CACNA1A: variants seen among roughly 807,000 people sequenced by gnomAD.
The protein encoded by CACNA1A is voltage-dependent P/Q-type calcium channel subunit alpha-1A.
Under a neutral mutation model 262.4 loss-of-function variants are expected in CACNA1A, and 57 were observed. The observed-to-expected ratio is 0.22, with a 90% CI of 0.18 to 0.27. CACNA1A has a LOEUF of 0.27. Ranked by LOEUF, CACNA1A falls within the 10% of genes least tolerant of loss-of-function variation. The pLI, the probability that CACNA1A is intolerant of heterozygous loss-of-function variation, is 1.00. For missense variants in CACNA1A, 2,526 were observed against 3,562.8 expected, an observed-to-expected ratio of 0.71 and a Z score of 7.41; for synonymous variants, 1,431 against 1,419.3, an observed-to-expected ratio of 1.01 and a Z score of -0.18.
At position 13,207,627 on chromosome 19, in the gene CACNA1A, C is replaced by G. The variant is rs1320524896; in HGVS notation, c.7207G>C (p.Gly2403Arg). The change falls in exon 47 of 47, where the codon GGT becomes CGT. Residue 2403 changes from glycine (G) to arginine (R), a missense_variant. Coordinates refer to ENST00000360228, the MANE Select transcript of CACNA1A (RefSeq NM_001127222.2). The surrounding 1 kb of genome is among the most constrained non-coding windows in gnomAD (Gnocchi z 5.7). ...SGPHVSEGPP[G>R]PRHHGYYRGS... The stretch of plus-strand genomic sequence containing the variant: ...CGGTAGTAGCCATGGTGCCGGGGAC[C>G]CGGGGGCCCCTCGGACACGTGCGGG... 1 of 1,478,650 alleles carries G rather than the reference C, an allele frequency of 6.8e-7. No homozygotes were observed. Among genetic ancestry groups the G allele is most frequent in the African/African-American group, 1.5e-5 (1 of 67,860 alleles). The allele number at this position is 1,478,650 out of a possible 1,614,324, so 91.6% of individuals were successfully genotyped here. A position where few individuals can be genotyped will look rare whatever the true frequency, so the allele number is the denominator to read the frequency against.
chr19:13,442,416 ACT>A (rs2060739855), intron 3 of CACNA1A, among the ~76,000 whole-genome samples: 1 of 151,982 alleles, frequency 6.6e-6, no homozygotes, highest in Non-Finnish European at 1.5e-5. Context: ...GGCTCAGCAA[ACT>A]CTGTGATGCC....
At chr19:13,368,980 G>A (rs2059268715) in intron 4 of CACNA1A, among the ~76,000 whole-genome samples, 1 of 126,162 alleles carries the variant, frequency 7.9e-6, no homozygotes, top group Admixed American at 7.8e-5. Flanking sequence ...GGAGCTTGCA[G>A]TGAGCCGAGA....
rs182186856 is a variant in CACNA1A, at chr19:13,342,375, A to G, written c.979-6466T>C. Reference sequence around the variant, plus strand: ...ATCTCTTCTTTGGCAGTTCAAGTTAAGGGAGGGATATGCACAAGTCTGAAT... The same window carrying G: ...ATCTCTTCTTTGGCAGTTCAAGTTAGGGGAGGGATATGCACAAGTCTGAAT... On this transcript the variant is annotated intron_variant, in intron 6 of 46. Coordinates refer to ENST00000360228, the MANE Select transcript of CACNA1A (RefSeq NM_001127222.2). Among the ~76,000 whole-genome samples, 23 of 152,272 alleles carry G rather than the reference A, an allele frequency of 1.5e-4. No individual in the cohort carries two copies. The East Asian group carries it at 4.4e-3, about 29-fold the overall frequency.
intron 3 of CACNA1A, among the ~76,000 whole-genome samples, chr19:13,439,520 C>T (rs913173124): frequency 1.3e-4 from 20 of 151,812 alleles, no homozygotes; most frequent in African/African-American, 4.4e-4. Context: ...CTGCCTCAGC[C>T]TCCCCAGTAG....
intron 10 of CACNA1A, among the ~76,000 whole-genome samples, chr19:13,325,196 CT>C (rs201773357): frequency 1.5e-3 from 195 of 127,956 alleles, no homozygotes; most frequent in Middle Eastern, 4.0e-3. Context: ...TCTTCTTCTT[CT>C]TTTTTTTTTT....
At chr19:13,432,596 A>T (rs940200269) in intron 3 of CACNA1A, among the ~76,000 whole-genome samples, 1 of 151,464 alleles carries the variant, frequency 6.6e-6, no homozygotes, top group African/African-American at 2.4e-5. Flanking sequence ...CGTTTTAGAG[A>T]TCTTTTGCAC....
chr19:13,441,685 A>AT (rs2144881604), intron 3 of CACNA1A, among the ~76,000 whole-genome samples: 1 of 150,314 alleles, frequency 6.7e-6, no homozygotes, highest in South Asian at 2.1e-4. Context: ...AAAAAAAAAA[A>AT]GAGTCTCGGT....
At chr19:13,282,693 G>T (rs2057319687) in intron 22 of CACNA1A, among the ~76,000 whole-genome samples, 1 of 151,898 alleles carries the variant, frequency 6.6e-6, no homozygotes, top group Non-Finnish European at 1.5e-5. Flanking sequence ...CCTGGGCGGG[G>T]GGTTGGGGGG....
chr19:13,393,809 C>CCTCTCTCTCTCTCT (rs150142387), intron 3 of CACNA1A, among the ~76,000 whole-genome samples: 1 of 102,552 alleles, frequency 9.8e-6, no homozygotes, highest in Non-Finnish European at 1.9e-5. Flanking sequence ...CTCCCTCCTT[C>CCTCTCTCTCTCTCT]CTCTCTCTCT....
At chr19:13,319,975 A>G (rs116168131) in intron 10 of CACNA1A, among the ~76,000 whole-genome samples, 1,567 of 152,138 alleles carry the variant, frequency 0.01, 15 homozygotes, top group African/African-American at 0.035. Flanking sequence ...GGGCAGGGGC[A>G]CATTCCACTC....
At chr19:13,390,312 C>T (rs2059689298) in intron 3 of CACNA1A, among the ~76,000 whole-genome samples, 1 of 152,140 alleles carries the variant, frequency 6.6e-6, no homozygotes. Flanking sequence ...TGAGGTCTCT[C>T]TGTTTCCCAG....
chr19:13,369,059 AAAT>A lies in CACNA1A; in HGVS notation c.631+2626_631+2628del, dbSNP rs1372657789. On this transcript the variant is annotated intron_variant, in intron 4 of 46. Coordinates refer to ENST00000360228, the MANE Select transcript of CACNA1A (RefSeq NM_001127222.2). The stretch of plus-strand genomic sequence containing the variant: ...TCTCAAAAAAAAAAAAAAAAAAAAA[AAAT>A]GTAATGTGGGTGCTAACAGATGCAG... Among the ~76,000 whole-genome samples the A allele has an allele frequency of 5.3e-4, 81 of 151,486 alleles. 4 individuals carry two copies. Among genetic ancestry groups the A allele is most frequent in the African/African-American group, 1.8e-3 (75 of 41,186 alleles).
chr19:13,473,236 C>T (rs1188308696), intron 1 of CACNA1A, among the ~76,000 whole-genome samples: 2 of 135,548 alleles, frequency 1.5e-5, no homozygotes, highest in Non-Finnish European at 3.0e-5. Context: ...TACAGGGTGA[C>T]AGAGTGAGGC....
chr19:13,418,790 C>T (rs894407349), intron 3 of CACNA1A, among the ~76,000 whole-genome samples: 14 of 152,156 alleles, frequency 9.2e-5, no homozygotes, highest in Admixed American at 5.2e-4. Flanking sequence ...TGCTACATAA[C>T]GATGTTTTGA....
At chr19:13,489,472 T>C (rs145538238) in intron 1 of CACNA1A, among the ~76,000 whole-genome samples, 1 of 152,260 alleles carries the variant, frequency 6.6e-6, no homozygotes, top group East Asian at 1.9e-4. Context: ...TATTTTTTTG[T>C]AGAGACGGGG....
chr19:13,296,393 T>C (rs2057667471), intron 19 of CACNA1A, among the ~76,000 whole-genome samples: 1 of 152,196 alleles, frequency 6.6e-6, no homozygotes. Context: ...AATAGGACAA[T>C]GTCTACGATG....
chr19:13,406,988 T>C (rs921976766), intron 3 of CACNA1A, among the ~76,000 whole-genome samples: 1 of 151,776 alleles, frequency 6.6e-6, no homozygotes, highest in Non-Finnish European at 1.5e-5. Flanking sequence ...TGTACACACA[T>C]ACCCACACAC....
At chr19:13,336,890 T>C (rs1600366388) in intron 6 of CACNA1A, among the ~76,000 whole-genome samples, 1 of 152,194 alleles carries the variant, frequency 6.6e-6, no homozygotes, top group Admixed American at 6.5e-5. Context: ...GCTTAACCTC[T>C]GTGCTGGGAA....
intron 1 of CACNA1A, among the ~76,000 whole-genome samples, chr19:13,490,622 GGAAAA>G (rs1006828937): frequency 6.1e-5 from 8 of 130,452 alleles, no homozygotes; most frequent in African/African-American, 1.7e-4. Flanking sequence ...AGAAAAGAAA[GGAAAA>G]GAAAAGAAAA....
Sources: gnomAD v4.1 joint callset for allele counts (sites outside exome capture counted in the v4.1 genomes callset) on GRCh38, gnomAD v4.1.1 for gene constraint, Gnocchi (gnomAD v3.1) non-coding constraint, MANE v1.5 for transcripts, NCBI Gene and HGNC (gene_info 2026-07-23, HGNC 2026-07-21) for gene names.